The following GGA1 variants were observed in gnomAD, a reference collection of about 807,000 sequenced individuals.
GGA1 encodes ADP-ribosylation factor-binding protein GGA1.
In GGA1, 18 loss-of-function variants were observed where a neutral mutation model predicts 76.9. That is an observed-to-expected ratio of 0.23 (90% confidence interval 0.16 to 0.35). The LOEUF is 0.35. Ranked by LOEUF, GGA1 falls within the 10% of genes least tolerant of loss-of-function variation. The pLI is 1.00. For missense variants in GGA1, 755 were observed against 859.0 expected, an observed-to-expected ratio of 0.88 and a Z score of 1.51; for synonymous variants, 342 against 354.7, an observed-to-expected ratio of 0.96 and a Z score of 0.40.
At chr22:37,629,591 T>G in intron 12 of GGA1, 65 bp downstream of exon 12, 1 of 980,672 alleles carries the variant, frequency 1.0e-6, no homozygotes. Flanking sequence ...CTGGGACAAG[T>G]GGCCTGGAGA....
rs771891326 is a variant in GGA1 at position 37,631,003 on chromosome 22, A to G, written c.1432A>G (p.Thr478Ala). The G allele has an allele frequency of 5.0e-6, 8 of 1,613,180 alleles. No individual in the cohort carries two copies. The African/African-American group carries it at 1.1e-4, about 22-fold the overall frequency. The change falls in exon 14 of 17, where the codon ACC becomes GCC. Residue 478 changes from threonine to alanine, a missense_variant. Coordinates refer to ENST00000343632, the MANE Select transcript of GGA1 (RefSeq NM_013365.5). ...CTCCAGCGCCACCAGCCTTCTCCAC[A>G]CCGTGTCCCCAGAGCCCCCCAGGCC... Reference protein sequence around the residue: ...PSSSATSLLHTVSPEPPRPPQ... With the variant: ...PSSSATSLLHAVSPEPPRPPQ...
At chr22:37,627,171 G>T (rs1280051790) in intron 11 of GGA1, 1 of 152,110 alleles carries the variant, frequency 6.6e-6, no homozygotes, top group Non-Finnish European at 1.5e-5. Flanking sequence ...ACAAAAAAAA[G>T]AAAAAGAAAA....
At position 37,629,995 on chromosome 22, in the gene GGA1, C is replaced by A; in HGVS notation, c.1159-3C>A. On this transcript the variant is annotated splice_polypyrimidine_tract_variant and splice_region_variant and intron_variant, in intron 12 of 16. Transcript: ENST00000343632. ...CACCCCACCTGCATCCTTTTCCCCA[C>A]AGTCGTCGGATGCCACTGAGCCCCC... The A allele has an allele frequency of 6.5e-7, 1 of 1,544,608 alleles. No individual in the cohort carries two copies. Among genetic ancestry groups the A allele is most frequent in the Non-Finnish European group, 8.7e-7 (1 of 1,142,888 alleles).
At chr22:37,618,853 G>T (rs1929307068) in intron 4 of GGA1, among the ~76,000 whole-genome samples, 1 of 152,192 alleles carries the variant, frequency 6.6e-6, no homozygotes, top group Admixed American at 6.5e-5. Flanking sequence ...ATGGCTGTAT[G>T]TGTCAGCCAT....
In GGA1 at chr22:37,630,915, G is replaced by C; in HGVS notation, c.1344G>C (p.Gln448His). The change falls in exon 14 of 17, where the codon CAG becomes CAC. Residue 448 changes from glutamine (Q) to histidine (H), a missense_variant. Coordinates refer to ENST00000343632, the MANE Select transcript of GGA1 (RefSeq NM_013365.5). ...TCCCCCGATTAAGGGAGAAGCAGCA[G>C]CCAACCCCCCGGCTCACACTCCGGG... is the stretch of plus-strand genomic sequence containing the variant. ...ESQQVRWEKQ[Q>H]PTPRLTLRDL... 1 of 1,610,944 alleles carries C rather than the reference G, an allele frequency of 6.2e-7. No individual in the cohort carries two copies. The highest frequency in any genetic ancestry group is 8.5e-7 in the Non-Finnish European group (1 of 1,178,996).
chr22:37,612,883 G>C, intron 1 of GGA1: 1 of 981,606 alleles, frequency 1.0e-6, no homozygotes. Context: ...GGGTTAAAGG[G>C]GTAGCTGTCT....
chr22:37,613,270 A>G (rs1928086524), intron 1 of GGA1: 5 of 614,692 alleles, frequency 8.1e-6, no homozygotes, highest in Non-Finnish European at 1.0e-5. Context: ...CCATACAGCC[A>G]TGCGTGGGTC....
intron 11 of GGA1, among the ~76,000 whole-genome samples, chr22:37,627,718 C>A (rs112284215): frequency 1.7e-3 from 257 of 152,362 alleles, no homozygotes; most frequent in African/African-American, 5.8e-3. Context: ...AGTTCTGAGC[C>A]ACCAGCTTCC....
At chr22:37,616,890 G>T in intron 2 of GGA1, 32 bp from the exon 3 acceptor site, 1 of 1,568,536 alleles carries the variant, frequency 6.4e-7, no homozygotes, top group Non-Finnish European at 8.6e-7. Flanking sequence ...ACTCCGTGGC[G>T]ACTCTGGCTC....
intron 1 of GGA1, chr22:37,610,620 C>T (rs1373180527): frequency 6.6e-6 from 1 of 151,534 alleles, no homozygotes; most frequent in African/African-American, 2.4e-5. Context: ...GGATTACAGG[C>T]GTTAGCCACT....
chr22:37,618,521 A>T lies in GGA1; in HGVS notation c.278A>T (p.Glu93Val), dbSNP rs1568978006. The change falls in exon 4 of 17, where the codon GAG (glutamate) becomes GTG (valine). Residue 93 changes from glutamate (E) to valine (V), a missense_variant. By Grantham distance (121) the Glu-to-Val change is moderately radical (BLOSUM62 -2). Transcript: ENST00000343632. ...GTGGGCAAGTTCCGCTTTCTCAACG[A>T]GCTCATCAAGGTCGTGTCTCCCAAG... ...DEVGKFRFLN[E>V]LIKVVSPKYL... 6.2e-7 allele frequency: 1 copy of T among 1,612,458 alleles called. No individual in the cohort carries two copies. Among genetic ancestry groups the T allele is most frequent in the Non-Finnish European group, 8.5e-7 (1 of 1,178,504 alleles).
At chr22:37,611,259 A>G (rs1350533434) in intron 1 of GGA1, among the ~76,000 whole-genome samples, 1 of 152,024 alleles carries the variant, frequency 6.6e-6, no homozygotes, top group Non-Finnish European at 1.5e-5. Flanking sequence ...CTCCTGGGAC[A>G]GAGATCTAGA....
chr22:37,627,826 G>C (rs914308141), intron 11 of GGA1, among the ~76,000 whole-genome samples: 8 of 152,214 alleles, frequency 5.3e-5, no homozygotes, highest in Non-Finnish European at 1.2e-4. Context: ...AGGCCCTGGG[G>C]CCACACAGGG....
intron 4 of GGA1, 69 bp downstream of exon 4, chr22:37,618,615 T>C: frequency 2.1e-6 from 2 of 956,492 alleles, no homozygotes; most frequent in East Asian, 2.5e-5. Context: ...GACCTTCAGA[T>C]TGTGGAGCGA....
intron 4 of GGA1, 40 bp from the exon 5 acceptor site, chr22:37,620,198 G>T (rs1414013238): frequency 5.0e-6 from 8 of 1,611,056 alleles, no homozygotes; most frequent in Non-Finnish European, 6.8e-6. Context: ...AGTGAGTGGG[G>T]CTGGGCAGTA....
At chr22:37,610,892 G>C (rs1233959527) in intron 1 of GGA1, among the ~76,000 whole-genome samples, 1 of 152,234 alleles carries the variant, frequency 6.6e-6, no homozygotes, top group Admixed American at 6.5e-5. Flanking sequence ...TGGATCTGGA[G>C]GCCCTGGCTT....
chr22:37,609,024 G>C, intron 1 of GGA1, 121 bp downstream of exon 1: 1 of 1,393,328 alleles, frequency 7.2e-7, no homozygotes, highest in Non-Finnish European at 9.3e-7. Context: ...CCCGGCCCGG[G>C]AGGGGCGGTG....
chr22:37,629,059 G>A lies in GGA1; in HGVS notation c.1094-403G>A, dbSNP rs868351353. Among the ~76,000 whole-genome samples the A allele has an allele frequency of 3.9e-5, 6 of 152,348 alleles. No individual in the cohort carries two copies. The Middle Eastern group carries it at 0.014, about 345-fold the overall frequency. ...CCTAGCCCACAGTCACCCAGCAGGC[G>A]TCCCTCGAGTGGGCCAGTGGCAGGC... On this transcript the variant is annotated intron_variant, in intron 11 of 16. Transcript: ENST00000343632.
rs190523505 is a variant in GGA1 at position 37,627,626 on chromosome 22, C to G, written c.1093+1677C>G. Among the ~76,000 whole-genome samples the G allele has an allele frequency of 3.5e-3, 528 of 152,324 alleles. 1 individual carries two copies. The highest frequency in any genetic ancestry group is 6.5e-3 in the Non-Finnish European group (442 of 68,022). The stretch of plus-strand genomic sequence containing the variant: ...TGGGGAAGTACTGCAGGGCCACCAG[C>G]CCCCAGCCAGCAGCTGCAGCACCAC... On this transcript the variant is annotated intron_variant, in intron 11 of 16. Transcript: ENST00000343632.
Sources: allele counts gnomAD v4.1 joint callset (sites outside exome capture counted in the v4.1 genomes callset), GRCh38; gene constraint gnomAD v4.1.1; transcripts MANE v1.5; gene names NCBI Gene and HGNC (gene_info 2026-07-23, HGNC 2026-07-21).